CNTNAP5: variants seen among roughly 807,000 people sequenced by gnomAD.
The protein encoded by CNTNAP5 is contactin-associated protein-like 5.
Under a neutral mutation model 150.2 loss-of-function variants are expected in CNTNAP5, and 72 were observed. That is an observed-to-expected ratio of 0.48 (90% CI 0.40 to 0.58). CNTNAP5 has a LOEUF of 0.58. Ranked by LOEUF, CNTNAP5 falls within the 20% of genes least tolerant of loss-of-function variation. The pLI, the probability that CNTNAP5 is intolerant of heterozygous loss-of-function variation, is 0.00. For missense variants in CNTNAP5, 1,636 were observed against 1,626.2 expected (o/e 1.01, Z -0.10); for synonymous variants, 672 against 619.8 (o/e 1.08, Z -1.25).
rs1455677123 is a variant in CNTNAP5, at chr2:124,911,493, G to C, written c.3682G>C (p.Glu1228Gln). ...TCCTTTTGGGAAGACAGATGAGCGGGAACCACTCACAAATGCTGTTCGAAG... is the reference window on the plus strand; with the variant it reads ...TCCTTTTGGGAAGACAGATGAGCGGCAACCACTCACAAATGCTGTTCGAAG... ...SDPFGKTDER[E>Q]PLTNAVRSDS... is the part of the protein sequence containing the mutation. Residue 1228 changes from glutamate (E) to glutamine (Q), a missense_variant, in exon 23 of 24, where the codon GAA (glutamate) becomes CAA (glutamine). By Grantham distance (29) the Glu-to-Gln change is conservative. Transcript: ENST00000682447. 1 of 1,601,818 alleles carries C rather than the reference G, an allele frequency of 6.2e-7. No individual in the cohort carries two copies. Among genetic ancestry groups the C allele is most frequent in the East Asian group, 2.3e-5 (1 of 44,368 alleles).
intron 14 of CNTNAP5, among the ~76,000 whole-genome samples, chr2:124,756,575 A>C (rs752320563): frequency 1.3e-5 from 2 of 152,318 alleles, no homozygotes; most frequent in Non-Finnish European, 1.5e-5. Flanking sequence ...ATGAAATACT[A>C]TGCAGTCATA....
At chr2:124,538,628 TGAA>T (rs1695303358) in intron 10 of CNTNAP5, among the ~76,000 whole-genome samples, 1 of 83,732 alleles carries the variant, frequency 1.2e-5, no homozygotes, top group African/African-American at 4.7e-5. Context: ...AAAGGAAAAA[TGAA>T]AGAATAAGAA....
At chr2:124,710,913 G>A (rs965537685) in intron 13 of CNTNAP5, among the ~76,000 whole-genome samples, 3 of 152,170 alleles carry the variant, frequency 2.0e-5, no homozygotes, top group Non-Finnish European at 2.9e-5. Flanking sequence ...GTGCATTCAT[G>A]TTGTAGTAGA....
intron 13 of CNTNAP5, among the ~76,000 whole-genome samples, chr2:124,654,794 C>T (rs1016877105): frequency 2.0e-5 from 3 of 151,978 alleles, no homozygotes; most frequent in Admixed American, 2.0e-4. Flanking sequence ...CAGACACACG[C>T]CTAAACATAC....
rs77722841 is a variant in CNTNAP5 at position 124,229,223 on chromosome 2, A to G, written c.187+7414A>G. ...AAATGTTAACCTATGAGCTCCCCCA[A>G]CCCTAGGTAAACCAAGTTTAATGAG... On this transcript the variant is annotated intron_variant, in intron 2 of 23. Coordinates refer to ENST00000682447, the MANE Select transcript of CNTNAP5 (RefSeq NM_001367498.1). 1.4e-3 allele frequency among the ~76,000 whole-genome samples: 209 copies of G among 152,186 alleles called. 1 individual carries two copies. Among genetic ancestry groups the G allele is most frequent in the African/African-American group, 4.7e-3 (195 of 41,524 alleles).
chr2:124,897,671 A>G (rs1194306557), intron 21 of CNTNAP5, among the ~76,000 whole-genome samples: 1 of 151,452 alleles, frequency 6.6e-6, no homozygotes, highest in Non-Finnish European at 1.5e-5. Context: ...TGAACAATCC[A>G]TACCTACAGA....
intron 6 of CNTNAP5, among the ~76,000 whole-genome samples, chr2:124,450,740 C>A (rs925572393): frequency 6.6e-6 from 1 of 151,788 alleles, no homozygotes; most frequent in Non-Finnish European, 1.5e-5. Flanking sequence ...TTTTTAGGAT[C>A]TTTAGAAAAA....
intron 21 of CNTNAP5, among the ~76,000 whole-genome samples, chr2:124,870,491 A>T (rs981997012): frequency 6.6e-6 from 1 of 151,444 alleles, no homozygotes; most frequent in African/African-American, 2.4e-5. Flanking sequence ...CTGTCCATCC[A>T]TTTTTTTATA....
intron 11 of CNTNAP5, among the ~76,000 whole-genome samples, chr2:124,593,105 A>ATATTTATT (rs1209784054): frequency 9.5e-5 from 14 of 147,592 alleles, no homozygotes; most frequent in Admixed American, 2.0e-4. Context: ...CTATTTTTCA[A>ATATTTATT]TATTTATTTA....
intron 6 of CNTNAP5, among the ~76,000 whole-genome samples, chr2:124,453,564 G>A (rs1693041295): frequency 6.6e-6 from 1 of 152,112 alleles, no homozygotes; most frequent in Non-Finnish European, 1.5e-5. Context: ...AAAGATCATT[G>A]CCTAGACACA....
At chr2:124,870,634 G>T (rs963680271) in intron 21 of CNTNAP5, among the ~76,000 whole-genome samples, 2 of 152,072 alleles carry the variant, frequency 1.3e-5, no homozygotes, top group Admixed American at 1.3e-4. Context: ...CTCTATCACA[G>T]TACAATGCAG....
intron 1 of CNTNAP5, among the ~76,000 whole-genome samples, chr2:124,069,280 G>C (rs1393980860): frequency 6.6e-6 from 1 of 152,176 alleles, no homozygotes; most frequent in Non-Finnish European, 1.5e-5. Flanking sequence ...GGAAGAGCAG[G>C]AAGGACTTTG....
chr2:124,796,224 A>G (rs1681843211), intron 18 of CNTNAP5, among the ~76,000 whole-genome samples: 1 of 152,174 alleles, frequency 6.6e-6, no homozygotes. Context: ...TTTCATTTTC[A>G]ATTTATTGTC....
intron 1 of CNTNAP5, among the ~76,000 whole-genome samples, chr2:124,152,425 G>A (rs1330074856): frequency 6.6e-6 from 1 of 152,156 alleles, no homozygotes; most frequent in Non-Finnish European, 1.5e-5. Flanking sequence ...GTAGCCCAAA[G>A]CCTGTGAACA....
At chr2:124,837,393 G>A (rs1304541543) in intron 19 of CNTNAP5, among the ~76,000 whole-genome samples, 1 of 152,022 alleles carries the variant, frequency 6.6e-6, no homozygotes, top group African/African-American at 2.4e-5. Flanking sequence ...TTCAAAACAT[G>A]GACTACAACT....
At chr2:124,219,010 TG>T (rs1686235516) in intron 1 of CNTNAP5, among the ~76,000 whole-genome samples, 1 of 152,196 alleles carries the variant, frequency 6.6e-6, no homozygotes, top group African/African-American at 2.4e-5. Flanking sequence ...TTGGTTGGAC[TG>T]AATTAATTTG....
intron 3 of CNTNAP5, among the ~76,000 whole-genome samples, chr2:124,290,894 A>ACC (rs1558836267): frequency 3.7e-4 from 56 of 150,620 alleles, no homozygotes; most frequent in African/African-American, 1.1e-3. Context: ...TTATTTATTT[A>ACC]TTTATTTATT....
chr2:124,787,757 C>A (rs1038132064), intron 17 of CNTNAP5, among the ~76,000 whole-genome samples: 1 of 152,098 alleles, frequency 6.6e-6, no homozygotes, highest in African/African-American at 2.4e-5. Flanking sequence ...ATTATCTATT[C>A]ATTCCTTTAA....
intron 1 of CNTNAP5, among the ~76,000 whole-genome samples, chr2:124,110,485 A>G (rs577232633): frequency 1.3e-5 from 2 of 152,358 alleles, no homozygotes; most frequent in African/African-American, 4.8e-5. Flanking sequence ...AAAGAGAAAT[A>G]AACAATCAAA....
Sources: allele counts gnomAD v4.1 joint callset (sites outside exome capture counted in the v4.1 genomes callset), GRCh38; gene constraint gnomAD v4.1.1; transcripts MANE v1.5; gene names NCBI Gene and HGNC (gene_info 2026-07-23, HGNC 2026-07-21).